EDRF1: variants seen among roughly 807,000 people sequenced by gnomAD.
The protein encoded by EDRF1 is erythroid differentiation-related factor 1.
EDRF1 carries 69 observed loss-of-function variants against 148.7 expected under a neutral mutation model. That is an observed-to-expected ratio of 0.46 (90% CI 0.38 to 0.57). EDRF1 has a LOEUF of 0.57. Among genes scored for constraint, EDRF1 ranks in the 20% least tolerant of loss-of-function variants. The pLI is 0.00. For missense variants in EDRF1, 1,118 were observed against 1,478.7 expected, an observed-to-expected ratio of 0.76 and a Z score of 4.00; for synonymous variants, 515 against 532.8, an observed-to-expected ratio of 0.97 and a Z score of 0.46.
intron 4 of EDRF1, 33 bp from the exon 5 acceptor site, chr10:125,725,285 T>A: frequency 6.2e-7 from 1 of 1,613,348 alleles, no homozygotes; most frequent in South Asian, 1.1e-5. Flanking sequence ...ACTATGTGTG[T>A]TGTATTAATA....
At chr10:125,730,741 AT>A in intron 9 of EDRF1, among the ~76,000 whole-genome samples, 1 of 152,348 alleles carries the variant, frequency 6.6e-6, no homozygotes, top group East Asian at 1.9e-4. Context: ...TACTCAGTAC[AT>A]GCAAAGTTTT....
chr10:125,730,390 A>G lies in EDRF1; in HGVS notation c.1119A>G (p.Gly373=), dbSNP rs1334727316. The change falls in exon 9 of 25, where the codon GGA becomes GGG. Residue 373 remains glycine (G), a synonymous_variant. Coordinates refer to ENST00000356792, the MANE Select transcript of EDRF1 (RefSeq NM_001202438.2). ...TTGTGATGTGTTTTCATGTAAATGG[A>G]ATTGTACAGGTAAGATACAGTGTGA... ...PELVMCFHVN[G]IVQKYEMIKT... 1 of 1,612,402 alleles carries G rather than the reference A, an allele frequency of 6.2e-7. No individual in the cohort carries two copies. Among genetic ancestry groups the G allele is most frequent in the Non-Finnish European group, 8.5e-7 (1 of 1,178,464 alleles).
Position 125,763,540 on chromosome 10 carries a change from G to A in EDRF1, c.*68G>A. 3 of 1,500,226 alleles carry A rather than the reference G, an allele frequency of 2.0e-6. No homozygotes were observed. The highest frequency in any genetic ancestry group is 2.7e-6 in the Non-Finnish European group (3 of 1,102,504). 92.9% of individuals were successfully genotyped at this position (1,500,226 alleles called of 1,614,324 possible). A position where few individuals can be genotyped will look rare whatever the true frequency, so the allele number is the denominator to read the frequency against. ...CACGGAGCCGGTTTGTTCATTCGGT[G>A]CTTTGTTTCATTAAATAATAGGGAA... On this transcript the variant is annotated 3_prime_UTR_variant, in exon 25 of 25. Transcript: ENST00000356792. This position sits in a 1 kb window ranked among gnomAD's most constrained non-coding sequence, Gnocchi z 4.3.
intron 15 of EDRF1, among the ~76,000 whole-genome samples, chr10:125,738,670 G>A (rs1005270213): frequency 2.6e-5 from 4 of 152,174 alleles, no homozygotes; most frequent in Admixed American, 2.0e-4. Flanking sequence ...GCATCTTCCT[G>A]TTACCCACAG....
Position 125,747,629 on chromosome 10 carries a change from A to G in EDRF1, c.2908A>G (p.Thr970Ala), listed in dbSNP as rs773271239. The G allele has an allele frequency of 1.2e-6, 2 of 1,614,160 alleles. No homozygotes were observed. Among genetic ancestry groups the G allele is most frequent in the Non-Finnish European group, 1.7e-6 (2 of 1,180,000 alleles). Residue 970 changes from threonine (T) to alanine (A), a missense_variant, in exon 20 of 25, where the codon ACT becomes GCT. Transcript: ENST00000356792. ...WDSVNWELST[T>A]YFTMATLQQD... ...TTCAGTGAACTGGGAATTGTCCACT[A>G]CTTACTTTACTATGGCAACTCTACA... is the stretch of plus-strand genomic sequence containing the variant.
At chr10:125,739,568 C>T (rs1019395034) in intron 15 of EDRF1, among the ~76,000 whole-genome samples, 5 of 152,170 alleles carry the variant, frequency 3.3e-5, no homozygotes, top group Non-Finnish European at 5.9e-5. Context: ...TCTCACAATG[C>T]CTCTTACTCA....
intron 24 of EDRF1, among the ~76,000 whole-genome samples, chr10:125,761,819 G>T (rs1380681207): frequency 6.6e-6 from 1 of 152,202 alleles, no homozygotes; most frequent in African/African-American, 2.4e-5. Flanking sequence ...ATGACAGTGT[G>T]ATGTCATTGT....
chr10:125,729,201 C>G, intron 7 of EDRF1, 97 bp downstream of exon 7: 2 of 1,450,708 alleles, frequency 1.4e-6, no homozygotes, highest in Non-Finnish European at 9.4e-7. Context: ...AAAAACTCCA[C>G]TTGATCCTGA....
chr10:125,758,982 C>A (rs1850058807), intron 24 of EDRF1, among the ~76,000 whole-genome samples: 1 of 152,146 alleles, frequency 6.6e-6, no homozygotes, highest in Non-Finnish European at 1.5e-5. Flanking sequence ...TGGCAGGGTT[C>A]ATTGTCTTCC....
chr10:125,756,553 T>A (rs80354925), intron 24 of EDRF1, among the ~76,000 whole-genome samples: 1 of 152,234 alleles, frequency 6.6e-6, no homozygotes, highest in African/African-American at 2.4e-5. Context: ...GCTACGCTTA[T>A]GGATTTATCT....
chr10:125,737,896 A>G, intron 13 of EDRF1, 22 bp from the exon 14 acceptor site: 1 of 1,610,548 alleles, frequency 6.2e-7, no homozygotes, highest in Middle Eastern at 1.6e-4. Context: ...GTGTATTAAT[A>G]ATTTTATGTT....
Position 125,735,757 on chromosome 10 carries a change from A to G in EDRF1, c.1611A>G (p.Glu537=), listed in dbSNP as rs911425953. 6.2e-7 allele frequency: 1 copy of G among 1,613,856 alleles called. No homozygotes were observed. Among genetic ancestry groups the G allele is most frequent in the Non-Finnish European group, 8.5e-7 (1 of 1,179,816 alleles). The change falls in exon 13 of 25, where the codon GAA becomes GAG. Residue 537 remains glutamate (E), a synonymous_variant. Coordinates refer to ENST00000356792, the MANE Select transcript of EDRF1 (RefSeq NM_001202438.2). ...LNENSDESYS[E]EEEEMPDSDE... Reference sequence around the variant, plus strand: ...AGAATTCTGATGAAAGTTATAGTGAAGAGGAGGAAGAGATGCCCGACAGTG... The same window carrying G: ...AGAATTCTGATGAAAGTTATAGTGAGGAGGAGGAAGAGATGCCCGACAGTG...
At chr10:125,749,223 G>A (rs1849523875) in intron 21 of EDRF1, 189 bp from the exon 22 acceptor site, 1 of 617,166 alleles carries the variant, frequency 1.6e-6, no homozygotes, top group African/African-American at 1.9e-5. Flanking sequence ...TCTCCAGCCT[G>A]GGCGACAGAG....
At chr10:125,721,448 C>T (rs771924010) in intron 2 of EDRF1, 36 bp downstream of exon 2, 1 of 1,578,024 alleles carries the variant, frequency 6.3e-7, no homozygotes, top group South Asian at 1.1e-5. Flanking sequence ...ACCTGCCCCT[C>T]CACCCTCACT....
In EDRF1 at chr10:125,721,374, C is replaced by G. The variant is rs148469925; in HGVS notation, c.279C>G (p.Thr93=). The G allele has an allele frequency of 6.2e-6, 10 of 1,614,082 alleles. No homozygotes were observed. The African/African-American group carries it at 1.3e-4, about 22-fold the overall frequency. ...ESAKLGPAGT[T]ILGNSKKSKP... ...CCAAACTAGGGCCAGCAGGAACTACCATTCTTGGCAACAGCAAGAAAAGCA... is the reference window on the plus strand; with the variant it reads ...CCAAACTAGGGCCAGCAGGAACTACGATTCTTGGCAACAGCAAGAAAAGCA... Residue 93 remains threonine (T), a synonymous_variant, in exon 2 of 25, where the codon ACC becomes ACG. Transcript: ENST00000356792.
Position 125,749,566 on chromosome 10 carries a change from G to GT in EDRF1, c.3277+2dup. The GT allele has an allele frequency of 6.2e-7, 1 of 1,613,924 alleles. No individual in the cohort carries two copies. Among genetic ancestry groups the GT allele is most frequent in the South Asian group, 1.1e-5 (1 of 91,084 alleles). On this transcript the variant is annotated splice_donor_variant, in intron 22 of 24. Coordinates refer to ENST00000356792, the MANE Select transcript of EDRF1 (RefSeq NM_001202438.2). LOFTEE classifies it high-confidence loss of function. ...GCATTTGCTGAATTTCAGATGACCA[G>GT]TAAGTCTTAATTTTCATTTCTCAGA...
intron 18 of EDRF1, 79 bp downstream of exon 18, chr10:125,743,355 A>G: frequency 8.5e-7 from 1 of 1,174,628 alleles, no homozygotes; most frequent in Non-Finnish European, 1.3e-6. Flanking sequence ...CAAGCAAAGA[A>G]CTGTGGCACT....
intron 6 of EDRF1, 152 bp downstream of exon 6, chr10:125,725,990 T>A (rs925969450): frequency 1.1e-6 from 1 of 881,844 alleles, no homozygotes; most frequent in African/African-American, 1.7e-5. Context: ...ATTTATGGAA[T>A]TGGAGAAATA....
chr10:125,730,342 C>T lies in EDRF1; in HGVS notation c.1071C>T (p.Asn357=). 1.2e-6 allele frequency: 2 copies of T among 1,614,008 alleles called. No homozygotes were observed. The highest frequency in any genetic ancestry group is 1.1e-5 in the South Asian group (1 of 91,080). The change falls in exon 9 of 25, where the codon AAC becomes AAT. Residue 357 remains asparagine, a synonymous_variant. Transcript: ENST00000356792. ...VLTGIDYWLD[N]LICNVPELVM... ...CTGGAATTGACTATTGGTTGGACAA[C>T]TTGATATGCAATGTGCCAGAGCTTG...
Sources: gnomAD v4.1 joint callset for allele counts (sites outside exome capture counted in the v4.1 genomes callset) on GRCh38, gnomAD v4.1.1 for gene constraint, Gnocchi (gnomAD v3.1) non-coding constraint, MANE v1.5 for transcripts, NCBI Gene and HGNC (gene_info 2026-07-23, HGNC 2026-07-21) for gene names.